GSG1L: variants seen among roughly 807,000 people sequenced by gnomAD.
GSG1L encodes the protein germ cell-specific gene 1-like protein.
A neutral mutation model predicts 42.1 loss-of-function variants in GSG1L; 24 were observed. The ratio of observed to expected loss-of-function variants is 0.57; its 90% CI spans 0.41 to 0.80. GSG1L has a LOEUF of 0.80. Ranked by LOEUF, GSG1L falls within the 30% of genes least tolerant of loss-of-function variation. The pLI, the probability that GSG1L is intolerant of heterozygous loss-of-function variation, is 0.00. For missense variants in GSG1L, 445 were observed against 472.2 expected, an observed-to-expected ratio of 0.94 and a Z score of 0.53; for synonymous variants, 215 against 203.5, an observed-to-expected ratio of 1.06 and a Z score of -0.48.
intron 2 of GSG1L, among the ~76,000 whole-genome samples, chr16:27,946,006 G>A (rs987524738): frequency 2.0e-5 from 3 of 152,216 alleles, no homozygotes; most frequent in South Asian, 2.1e-4. Context: ...GGGCCTCCCC[G>A]CCAGGTCAGA....
chr16:28,005,741 G>A (rs2141149167), intron 1 of GSG1L, among the ~76,000 whole-genome samples: 1 of 152,234 alleles, frequency 6.6e-6, no homozygotes, highest in Non-Finnish European at 1.5e-5. Flanking sequence ...CCTCAGAGGT[G>A]ATTCTGAGGA....
Position 27,947,601 on chromosome 16 carries a change from A to G in GSG1L, c.397+15555T>C, listed in dbSNP as rs181379595. Among the ~76,000 whole-genome samples, 415 of 127,078 alleles carry G rather than the reference A, an allele frequency of 3.3e-3. 11 individuals carry two copies. Among genetic ancestry groups the G allele is most frequent in the African/African-American group, 0.011 (379 of 33,706 alleles). 83.4% of individuals were successfully genotyped at this position (127,078 alleles called of 152,430 possible). A position where few individuals can be genotyped will look rare whatever the true frequency, so the allele number is the denominator to read the frequency against. ...AGAAAGAAAGAAAGAAAGAAAGAAAAAGAAAGAAAGAAAAAGAAAAGTTCT... is the reference window on the plus strand; with the variant it reads ...AGAAAGAAAGAAAGAAAGAAAGAAAGAGAAAGAAAGAAAAAGAAAAGTTCT... On this transcript the variant is annotated intron_variant, in intron 2 of 6. Coordinates refer to ENST00000447459, the MANE Select transcript of GSG1L (RefSeq NM_001109763.2).
At chr16:28,062,188 A>G (rs2086349274) in intron 1 of GSG1L, among the ~76,000 whole-genome samples, 1 of 152,176 alleles carries the variant, frequency 6.6e-6, no homozygotes, top group South Asian at 2.1e-4. Context: ...GTGTGGCACA[A>G]CCAGCTGTCC....
chr16:27,886,102 G>C (rs996701572), intron 2 of GSG1L, among the ~76,000 whole-genome samples: 3 of 152,132 alleles, frequency 2.0e-5, no homozygotes, highest in African/African-American at 7.2e-5. Flanking sequence ...CCAGTCATTG[G>C]TTCAGGAGTG....
At chr16:27,958,422 A>C (rs2085030598) in intron 2 of GSG1L, among the ~76,000 whole-genome samples, 1 of 151,184 alleles carries the variant, frequency 6.6e-6, no homozygotes, top group African/African-American at 2.4e-5. Flanking sequence ...AAAAAAAAAA[A>C]AAAAAGAAAA....
chr16:27,893,251 T>C (rs2141034843), intron 2 of GSG1L, among the ~76,000 whole-genome samples: 1 of 152,340 alleles, frequency 6.6e-6, no homozygotes, highest in Non-Finnish European at 1.5e-5. Flanking sequence ...ATGCCAACTC[T>C]GACCCTTCAT....
In GSG1L at chr16:28,059,542, C is replaced by T. The variant is rs1376934218; in HGVS notation, c.349+3534G>A. Among the ~76,000 whole-genome samples the T allele has an allele frequency of 6.6e-6, 1 of 151,910 alleles. No individual in the cohort carries two copies. Among genetic ancestry groups the T allele is most frequent in the Non-Finnish European group, 1.5e-5 (1 of 67,984 alleles). On this transcript the variant is annotated intron_variant, in intron 1 of 6. Transcript: ENST00000447459. The surrounding 1 kb of genome is among the most constrained non-coding windows in gnomAD (Gnocchi z 4.4). ...GCTCAAAAGCATACAGGATGAAGTC[C>T]AACGCATGTGGACGTCACCTGTGCT...
chr16:27,922,607 A>T (rs1365387978), intron 2 of GSG1L, among the ~76,000 whole-genome samples: 1 of 152,030 alleles, frequency 6.6e-6, no homozygotes, highest in Non-Finnish European at 1.5e-5. Flanking sequence ...TTCTCCCATG[A>T]CCCAAGCTTT....
intron 1 of GSG1L, among the ~76,000 whole-genome samples, chr16:28,012,122 C>G (rs879309738): frequency 2.6e-5 from 4 of 152,146 alleles, no homozygotes; most frequent in Admixed American, 2.6e-4. Flanking sequence ...ATTTCATACT[C>G]CCACGCAGTC....
chr16:27,861,095 CG>C (rs2083644231), intron 3 of GSG1L, among the ~76,000 whole-genome samples: 1 of 152,140 alleles, frequency 6.6e-6, no homozygotes, highest in East Asian at 1.9e-4. Context: ...GGGCCGGGTT[CG>C]GTGGTTCATG....
rs2292647 is a variant in GSG1L at position 27,790,989 on chromosome 16, C to T, written c.*381G>A. The T allele has an allele frequency of 2.7e-3, 485 of 181,504 alleles. 10 individuals are homozygous for T. In the East Asian group the frequency reaches 0.038, roughly 14 times the overall value. 11.2% of individuals were successfully genotyped at this position (181,504 alleles called of 1,614,324 possible). ...CACTGCCCCCTCCTTCAGGAAGCCA[C>T]TCTCTGCCCCCCAAAGGGCTCTGCC... On this transcript the variant is annotated 3_prime_UTR_variant, in exon 7 of 7. Coordinates refer to ENST00000447459, the MANE Select transcript of GSG1L (RefSeq NM_001109763.2).
At chr16:27,806,509 G>T (rs1389521224) in intron 6 of GSG1L, among the ~76,000 whole-genome samples, 1 of 152,208 alleles carries the variant, frequency 6.6e-6, no homozygotes, top group Non-Finnish European at 1.5e-5. Flanking sequence ...AGTGGGACAG[G>T]GATGGGAGGG....
intron 2 of GSG1L, among the ~76,000 whole-genome samples, chr16:27,934,436 A>C (rs2084692009): frequency 6.6e-6 from 1 of 152,124 alleles, no homozygotes; most frequent in Non-Finnish European, 1.5e-5. Context: ...TTGGGAGGTT[A>C]AGGTAGGAGA....
intron 1 of GSG1L, among the ~76,000 whole-genome samples, chr16:27,969,020 G>T (rs1432971192): frequency 1.3e-5 from 2 of 152,098 alleles, no homozygotes; most frequent in African/African-American, 4.8e-5. Flanking sequence ...GAGGCAGGAG[G>T]ACCACTTGAA....
At chr16:27,923,847 C>G (rs1161141248) in intron 2 of GSG1L, among the ~76,000 whole-genome samples, 1 of 151,888 alleles carries the variant, frequency 6.6e-6, no homozygotes, top group African/African-American at 2.4e-5. Context: ...GTTGTGGGAG[C>G]CATTTCTTCA....
chr16:28,014,471 G>C (rs989041576), intron 1 of GSG1L, among the ~76,000 whole-genome samples: 1 of 151,838 alleles, frequency 6.6e-6, no homozygotes, highest in African/African-American at 2.4e-5. Flanking sequence ...CTGAAGAGTG[G>C]GGATAAGCAC....
At chr16:27,954,487 T>C (rs1028830266) in intron 2 of GSG1L, among the ~76,000 whole-genome samples, 1 of 152,128 alleles carries the variant, frequency 6.6e-6, no homozygotes, top group African/African-American at 2.4e-5. Context: ...AGTCTACATG[T>C]GTGCCACTGA....
At chr16:27,877,147 C>G (rs1209933537) in intron 3 of GSG1L, among the ~76,000 whole-genome samples, 1 of 152,156 alleles carries the variant, frequency 6.6e-6, no homozygotes, top group Non-Finnish European at 1.5e-5. Context: ...AAGAGGGTGG[C>G]AGAGCCCTGT....
intron 1 of GSG1L, among the ~76,000 whole-genome samples, chr16:27,978,039 G>GGGGCATCACTC (rs1164503138): frequency 6.6e-6 from 1 of 152,124 alleles, no homozygotes; most frequent in Non-Finnish European, 1.5e-5. Flanking sequence ...AGGATGGATG[G>GGGGCATCACTC]GGGCATCACT....
Sources: allele counts gnomAD v4.1 joint callset (sites outside exome capture counted in the v4.1 genomes callset), GRCh38; gene constraint gnomAD v4.1.1; non-coding constraint Gnocchi (gnomAD v3.1); transcripts MANE v1.5; gene names NCBI Gene and HGNC (gene_info 2026-07-23, HGNC 2026-07-21).